Variants in PCSK5 observed in about 807,000 individuals in gnomAD.
PCSK5 encodes prohormone convertase 5.
In PCSK5, 129 loss-of-function variants were observed where a neutral mutation model predicts 233.2. The ratio of observed to expected loss-of-function variants is 0.55; its 90% CI spans 0.48 to 0.64. The LOEUF (loss-of-function observed/expected upper bound fraction) is 0.64, where lower values mean the gene tolerates loss of function less well. Ranked by LOEUF, PCSK5 falls within the 30% of genes least tolerant of loss-of-function variation. The pLI is 0.00. For missense variants in PCSK5, 2,076 were observed against 2,430.1 expected (o/e 0.85, Z 3.06); for synonymous variants, 825 against 879.2 (o/e 0.94, Z 1.09).
intron 35 of PCSK5, among the ~76,000 whole-genome samples, chr9:76,340,068 C>G (rs938696229): frequency 6.6e-6 from 1 of 152,062 alleles, no homozygotes; most frequent in African/African-American, 2.4e-5. Flanking sequence ...CTCCATGAAG[C>G]TTTTGTTAGT....
chr9:76,113,712 T>G (rs1413421230), intron 9 of PCSK5, among the ~76,000 whole-genome samples: 6 of 152,096 alleles, frequency 3.9e-5, no homozygotes. Flanking sequence ...AAACATTTCT[T>G]AATATTGGGG....
rs1036841872 is a variant in PCSK5 at position 75,892,914 on chromosome 9, A to G, written c.192+1541A>G. Among the ~76,000 whole-genome samples the G allele has an allele frequency of 2.0e-5, 3 of 152,184 alleles. No individual in the cohort carries two copies. The South Asian group carries it at 6.2e-4, about 31-fold the overall frequency. On this transcript the variant is annotated intron_variant, in intron 1 of 37. Transcript: ENST00000674117. ...GCCCCTGGAACTAAGGAAGTAAGGG[A>G]AGCCAGCCAGATTTTGTTGCTTGAG...
At chr9:75,900,733 C>T (rs1490518453) in intron 1 of PCSK5, among the ~76,000 whole-genome samples, 4 of 143,398 alleles carry the variant, frequency 2.8e-5, no homozygotes, top group South Asian at 2.2e-4. Flanking sequence ...TGCAGTAAAT[C>T]GGTTCACCCC....
At chr9:76,329,262 A>T (rs1829459771) in intron 33 of PCSK5, among the ~76,000 whole-genome samples, 1 of 151,886 alleles carries the variant, frequency 6.6e-6, no homozygotes, top group Non-Finnish European at 1.5e-5. Flanking sequence ...CAGCCTCCCA[A>T]GTAGATGGGA....
chr9:76,026,420 C>T lies in PCSK5; in HGVS notation c.556-541C>T, dbSNP rs373967220. 2.1e-3 allele frequency among the ~76,000 whole-genome samples: 316 copies of T among 152,252 alleles called. 16 individuals carry two copies. In the South Asian group the frequency reaches 0.057, roughly 28 times the overall value. On this transcript the variant is annotated intron_variant, in intron 4 of 37. Coordinates refer to ENST00000674117, the MANE Select transcript of PCSK5 (RefSeq NM_001372043.1). ...GAACCAGACGAGGGTTGTCTAATAG[C>T]GGTCCCAAGATACCTGACATAATAA...
At chr9:75,981,669 C>T (rs572699929) in intron 2 of PCSK5, among the ~76,000 whole-genome samples, 98 of 152,256 alleles carry the variant, frequency 6.4e-4, no homozygotes, top group African/African-American at 2.2e-3. Context: ...CCTCCCACCT[C>T]AGCTGCCTAA....
intron 14 of PCSK5, among the ~76,000 whole-genome samples, chr9:76,178,276 G>A (rs1266200088): frequency 6.6e-6 from 1 of 152,202 alleles, no homozygotes; most frequent in Non-Finnish European, 1.5e-5. Context: ...AAGCAGTGCT[G>A]TCAAATGACT....
rs529688873 is a variant in PCSK5 at position 76,296,996 on chromosome 9, A to G, written c.3523+131A>G. 9 of 653,030 alleles carry G rather than the reference A, an allele frequency of 1.4e-5. No individual in the cohort carries two copies. The African/African-American group carries it at 1.6e-4, about 12-fold the overall frequency. 40.5% of individuals were successfully genotyped at this position (653,030 alleles called of 1,614,324 possible). A position where few individuals can be genotyped will look rare whatever the true frequency, so the allele number is the denominator to read the frequency against. On this transcript the variant is annotated intron_variant, in intron 27 of 37. Transcript: ENST00000674117. ...AGAAAAACAAGAGTTTGGAGTGAGAATCAAGTTGGGATCGTTCCTGAGTCT... is the reference window on the plus strand; with the variant it reads ...AGAAAAACAAGAGTTTGGAGTGAGAGTCAAGTTGGGATCGTTCCTGAGTCT...
chr9:76,193,052 A>G (rs1824489126), intron 20 of PCSK5, among the ~76,000 whole-genome samples: 1 of 151,646 alleles, frequency 6.6e-6, no homozygotes, highest in Non-Finnish European at 1.5e-5. Context: ...CCTCTCCTTG[A>G]AAAACAATGC....
intron 20 of PCSK5, among the ~76,000 whole-genome samples, chr9:76,216,131 T>A (rs970816894): frequency 6.6e-6 from 1 of 152,060 alleles, no homozygotes; most frequent in Non-Finnish European, 1.5e-5. Flanking sequence ...GTCCTCTACA[T>A]GACTCCGCAG....
intron 1 of PCSK5, among the ~76,000 whole-genome samples, chr9:75,914,409 T>C (rs1330178862): frequency 6.6e-6 from 1 of 152,164 alleles, no homozygotes; most frequent in Non-Finnish European, 1.5e-5. Context: ...AAAGAAATGC[T>C]ACTTCCAACA....
chr9:76,121,631 A>C (rs1009135175), intron 9 of PCSK5, among the ~76,000 whole-genome samples: 2 of 152,150 alleles, frequency 1.3e-5, no homozygotes, highest in Non-Finnish European at 2.9e-5. Flanking sequence ...TGTCTCTGCA[A>C]GTTTTTGGTA....
rs752232542 is a variant in PCSK5 at position 76,159,003 on chromosome 9, C to T, written c.1451C>T (p.Ala484Val). Residue 484 changes from alanine (A) to valine (V), a missense_variant, in exon 12 of 38, where the codon GCA becomes GTA. Physicochemically the swap from Ala to Val is moderately conservative, Grantham distance 64. Coordinates refer to ENST00000674117, the MANE Select transcript of PCSK5 (RefSeq NM_001372043.1). ...RQIKTIRPNS[A>V]VRSIYKASGC... The stretch of plus-strand genomic sequence containing the variant: ...TACAGGACAATCCGCCCTAACAGTG[C>T]AGTGCGCTCCATCTACAAAGCTTCA... 1.2e-6 allele frequency: 2 copies of T among 1,614,022 alleles called. No individual in the cohort carries two copies. The highest frequency in any genetic ancestry group is 1.1e-5 in the South Asian group (1 of 91,070).
At chr9:76,046,878 T>C (rs2131547642) in intron 5 of PCSK5, among the ~76,000 whole-genome samples, 1 of 152,174 alleles carries the variant, frequency 6.6e-6, no homozygotes, top group East Asian at 1.9e-4. Context: ...TTCTTAAGTA[T>C]TGCCCAGTAC....
chr9:76,102,174 G>C (rs1831788554), intron 8 of PCSK5, among the ~76,000 whole-genome samples: 1 of 151,774 alleles, frequency 6.6e-6, no homozygotes, highest in Non-Finnish European at 1.5e-5. Context: ...ACTACACTTT[G>C]TAACTCAGCT....
At chr9:75,962,411 C>G (rs1201762603) in intron 2 of PCSK5, among the ~76,000 whole-genome samples, 2 of 152,196 alleles carry the variant, frequency 1.3e-5, no homozygotes, top group Non-Finnish European at 2.9e-5. Flanking sequence ...AATCAGCGAG[C>G]ACATGGGGTG....
intron 9 of PCSK5, 60 bp from the exon 10 acceptor site, chr9:76,134,049 C>T (rs1587670217): frequency 9.6e-7 from 1 of 1,043,528 alleles, no homozygotes; most frequent in Non-Finnish European, 1.4e-6. Context: ...GCTTGTGACT[C>T]TCTGCTTCCC....
intron 8 of PCSK5, among the ~76,000 whole-genome samples, chr9:76,104,322 G>C (rs939918679): frequency 6.6e-6 from 1 of 152,040 alleles, no homozygotes; most frequent in Non-Finnish European, 1.5e-5. Flanking sequence ...GGATGTTTTT[G>C]TTTCTTTTCT....
intron 24 of PCSK5, among the ~76,000 whole-genome samples, chr9:76,283,292 G>A (rs1380395851): frequency 2.6e-5 from 4 of 152,148 alleles, no homozygotes; most frequent in African/African-American, 9.7e-5. Context: ...TTCATGTAAA[G>A]GAGGGTCAAT....
Sources: gnomAD v4.1 joint callset for allele counts (sites outside exome capture counted in the v4.1 genomes callset) on GRCh38, gnomAD v4.1.1 for gene constraint, MANE v1.5 for transcripts, NCBI Gene and HGNC (gene_info 2026-07-23, HGNC 2026-07-21) for gene names.